GABRB2: variants seen among roughly 807,000 people sequenced by gnomAD.
GABRB2 encodes the protein gamma-aminobutyric acid receptor subunit beta-2.
Under a neutral mutation model 54.7 loss-of-function variants are expected in GABRB2, and 16 were observed. That is an observed-to-expected ratio of 0.29 (90% confidence interval 0.20 to 0.44). The LOEUF (loss-of-function observed/expected upper bound fraction) is 0.44. GABRB2 is among the 20% of genes least tolerant of loss of function. The probability of loss-of-function intolerance (pLI) is 1.00; values close to 1 mark genes in which losing one functional copy is unlikely to be tolerated. For synonymous variants in GABRB2, 244 were observed against 233.8 expected (o/e 1.04, Z -0.40); for missense variants, 355 against 644.0 (o/e 0.55, Z 4.86).
At chr5:161,348,274 G>T (rs929626743) in intron 5 of GABRB2, among the ~76,000 whole-genome samples, 1 of 151,800 alleles carries the variant, frequency 6.6e-6, no homozygotes, top group East Asian at 1.9e-4. Context: ...CAACAAAAAC[G>T]ATCCTATTAT....
intron 5 of GABRB2, among the ~76,000 whole-genome samples, chr5:161,376,120 C>T (rs1755287125): frequency 6.6e-6 from 1 of 152,132 alleles, no homozygotes; most frequent in South Asian, 2.1e-4. Context: ...GTTCTGCATT[C>T]ATCACTGAAA....
intron 4 of GABRB2, among the ~76,000 whole-genome samples, chr5:161,426,709 T>G (rs1757008829): frequency 2.0e-5 from 3 of 151,744 alleles, no homozygotes; most frequent in African/African-American, 7.3e-5. Flanking sequence ...GGATTTCAAA[T>G]AAACAAAAAA....
At chr5:161,441,325 T>C (rs939686963) in intron 4 of GABRB2, among the ~76,000 whole-genome samples, 1 of 152,142 alleles carries the variant, frequency 6.6e-6, no homozygotes, top group African/African-American at 2.4e-5. Context: ...AAAGAAGACA[T>C]ACAAATCACA....
At position 161,429,992 on chromosome 5, in the gene GABRB2, C is replaced by T. The variant is rs191963723; in HGVS notation, c.459-18935G>A. 3.4e-3 allele frequency among the ~76,000 whole-genome samples: 520 copies of T among 152,126 alleles called. 2 individuals are homozygous for T. The highest frequency in any genetic ancestry group is 0.012 in the African/African-American group (478 of 41,520). ...TAATTAGGAAGTCTAAATTTTAAAA[C>T]GAAATGTCCTAATTTTAAAAGTATT... On this transcript the variant is annotated intron_variant, in intron 4 of 9. Coordinates refer to ENST00000393959, the MANE Select transcript of GABRB2 (RefSeq NM_001371727.1).
At chr5:161,332,759 A>G (rs1466363473) in intron 7 of GABRB2, among the ~76,000 whole-genome samples, 1 of 151,860 alleles carries the variant, frequency 6.6e-6, no homozygotes, top group Non-Finnish European at 1.5e-5. Flanking sequence ...TTTTGGGGGG[A>G]CACAGTTTTC....
intron 3 of GABRB2, among the ~76,000 whole-genome samples, chr5:161,522,199 T>C (rs1206944867): frequency 6.6e-6 from 1 of 151,822 alleles, no homozygotes; most frequent in Non-Finnish European, 1.5e-5. Context: ...CCCTAGGTGT[T>C]ATCACACATT....
chr5:161,368,149 A>ACACACACACACACG (rs749548536), intron 5 of GABRB2, among the ~76,000 whole-genome samples: 17 of 149,076 alleles, frequency 1.1e-4, no homozygotes, highest in Non-Finnish European at 2.1e-4. Flanking sequence ...ACACACACAC[A>ACACACACACACACG]CTCTTCCACC....
chr5:161,327,765 C>T (rs922013977), intron 8 of GABRB2, among the ~76,000 whole-genome samples: 4 of 151,976 alleles, frequency 2.6e-5, no homozygotes, highest in Non-Finnish European at 5.9e-5. Context: ...TAGGAAATCA[C>T]CAAAGGAAGG....
At chr5:161,296,825 CT>C (rs1341428090) in intron 9 of GABRB2, among the ~76,000 whole-genome samples, 6 of 152,214 alleles carry the variant, frequency 3.9e-5, no homozygotes, top group African/African-American at 1.4e-4. Flanking sequence ...GTACTTATGG[CT>C]CTTCCGTTTG....
intron 5 of GABRB2, among the ~76,000 whole-genome samples, chr5:161,343,125 G>T (rs746923314): frequency 2.0e-5 from 3 of 151,954 alleles, no homozygotes; most frequent in Non-Finnish European, 2.9e-5. Context: ...ACTCAATATC[G>T]AAAGTGTTCC....
intron 3 of GABRB2, among the ~76,000 whole-genome samples, chr5:161,509,853 GCCTCCCTA>G (rs1759713240): frequency 6.6e-6 from 1 of 151,780 alleles, no homozygotes; most frequent in Non-Finnish European, 1.5e-5. Flanking sequence ...GTTCCTTAAG[GCCTCCCTA>G]CCTCATGACC....
chr5:161,530,701 C>T (rs886896183), intron 3 of GABRB2, among the ~76,000 whole-genome samples: 4 of 152,122 alleles, frequency 2.6e-5, no homozygotes, highest in Non-Finnish European at 5.9e-5. Context: ...TTCTACAGCT[C>T]TTTCCTCTGA....
At chr5:161,440,850 C>A (rs1757449315) in intron 4 of GABRB2, among the ~76,000 whole-genome samples, 1 of 152,096 alleles carries the variant, frequency 6.6e-6, no homozygotes, top group Non-Finnish European at 1.5e-5. Context: ...ACAAAGGTGC[C>A]TATAACACTT....
chr5:161,351,370 A>C (rs11747121), intron 5 of GABRB2, among the ~76,000 whole-genome samples: 3,353 of 152,268 alleles, frequency 0.022, 57 homozygotes, highest in Non-Finnish European at 0.034. Context: ...AATGGAACAG[A>C]ATAAGGAGCC....
chr5:161,545,636 C>T (rs566497694), intron 2 of GABRB2, among the ~76,000 whole-genome samples: 36 of 151,530 alleles, frequency 2.4e-4, no homozygotes, highest in African/African-American at 8.7e-4. Context: ...GCTGAAACCC[C>T]CTCCTCCTCA....
intron 3 of GABRB2, among the ~76,000 whole-genome samples, chr5:161,500,140 G>A (rs890741674): frequency 4.6e-5 from 7 of 152,100 alleles, no homozygotes; most frequent in Non-Finnish European, 7.4e-5. Flanking sequence ...TAATGTTCCC[G>A]AGTCCACTAC....
chr5:161,353,003 T>A (rs1754518828), intron 5 of GABRB2, among the ~76,000 whole-genome samples: 1 of 152,052 alleles, frequency 6.6e-6, no homozygotes, highest in African/African-American at 2.4e-5. Context: ...ATGATACTGC[T>A]TATATTTTCC....
intron 3 of GABRB2, among the ~76,000 whole-genome samples, chr5:161,492,250 A>G (rs1759107284): frequency 6.6e-6 from 1 of 151,630 alleles, no homozygotes; most frequent in African/African-American, 2.4e-5. Flanking sequence ...TTAAAAAATA[A>G]TCCTCCATGT....
At chr5:161,511,146 A>C (rs917908626) in intron 3 of GABRB2, among the ~76,000 whole-genome samples, 1 of 152,012 alleles carries the variant, frequency 6.6e-6, no homozygotes, top group Non-Finnish European at 1.5e-5. Flanking sequence ...TTTCTCAAAA[A>C]CAGATTTAAT....
Sources: allele counts gnomAD v4.1 joint callset (sites outside exome capture counted in the v4.1 genomes callset), GRCh38; gene constraint gnomAD v4.1.1; transcripts MANE v1.5; gene names NCBI Gene and HGNC (gene_info 2026-07-23, HGNC 2026-07-21).